MAGI1: variants seen among roughly 807,000 people sequenced by gnomAD.
MAGI1 encodes membrane-associated guanylate kinase, WW and PDZ domain-containing protein 1.
Under a neutral mutation model 139.9 loss-of-function variants are expected in MAGI1, and 58 were observed. The ratio of observed to expected loss-of-function variants is 0.41; its 90% CI spans 0.34 to 0.52. The LOEUF (loss-of-function observed/expected upper bound fraction) is 0.52, where lower values mean the gene tolerates loss of function less well. Ranked by LOEUF, MAGI1 falls within the 20% of genes least tolerant of loss-of-function variation. The pLI is 0.12. For missense variants in MAGI1, 1,874 were observed against 1,901.6 expected, an observed-to-expected ratio of 0.99 and a Z score of 0.27; for synonymous variants, 812 against 737.9, an observed-to-expected ratio of 1.10 and a Z score of -1.63.
At chr3:65,764,947 G>C (rs1396957235) in intron 1 of MAGI1, among the ~76,000 whole-genome samples, 1 of 152,110 alleles carries the variant, frequency 6.6e-6, no homozygotes, top group Non-Finnish European at 1.5e-5. Flanking sequence ...ATTTTCTGGG[G>C]TTTCAGCACT....
rs747189565 is a variant in MAGI1, at chr3:65,439,904, C to CTGCTGCTGCTGT, written c.1233_1244dup (p.Gln418_Gln421dup). On this transcript the variant is annotated inframe_insertion, in exon 9 of 23. Transcript: ENST00000402939. ...CTTCTGTCTGCTGCTGCTGCTGCTG[C>CTGCTGCTGCTGT]TGCTGCTGCTGTTGCTGCTGCTGTT... The CTGCTGCTGCTGT allele has an allele frequency of 2.5e-5, 40 of 1,609,762 alleles. No individual in the cohort carries two copies. The highest frequency in any genetic ancestry group is 3.1e-5 in the Non-Finnish European group (37 of 1,177,554).
At chr3:65,825,303 C>A (rs1042324112) in intron 1 of MAGI1, among the ~76,000 whole-genome samples, 13 of 152,174 alleles carry the variant, frequency 8.5e-5, no homozygotes, top group African/African-American at 3.1e-4. Context: ...AACAATACTT[C>A]TTTTAAAGAA....
intron 1 of MAGI1, among the ~76,000 whole-genome samples, chr3:66,007,445 G>A (rs1164716014): frequency 6.6e-6 from 1 of 152,196 alleles, no homozygotes; most frequent in Non-Finnish European, 1.5e-5. Context: ...GAGAAATCAG[G>A]AATTGACTCT....
At chr3:65,750,692 A>T (rs1464352981) in intron 1 of MAGI1, among the ~76,000 whole-genome samples, 1 of 152,148 alleles carries the variant, frequency 6.6e-6, no homozygotes, top group Admixed American at 6.5e-5. Context: ...TCCAATCCCA[A>T]ATCTATAACA....
intron 1 of MAGI1, among the ~76,000 whole-genome samples, chr3:66,021,168 T>C (rs2067939476): frequency 6.6e-6 from 1 of 152,206 alleles, no homozygotes; most frequent in Admixed American, 6.5e-5. Context: ...AAACTGTGTG[T>C]CAGTACAATG....
intron 1 of MAGI1, among the ~76,000 whole-genome samples, chr3:65,707,265 T>C (rs753366067): frequency 2.0e-4 from 30 of 152,234 alleles, no homozygotes; most frequent in Non-Finnish European, 3.8e-4. Flanking sequence ...CTGATATGTT[T>C]CAGGGTTGAT....
chr3:66,000,776 A>T (rs1045000993), intron 1 of MAGI1, among the ~76,000 whole-genome samples: 1 of 152,234 alleles, frequency 6.6e-6, no homozygotes, highest in Admixed American at 6.5e-5. Flanking sequence ...CCTGCATCAC[A>T]GGCTAAACCT....
intron 1 of MAGI1, among the ~76,000 whole-genome samples, chr3:65,833,073 C>G (rs957519843): frequency 7.3e-5 from 11 of 151,644 alleles, no homozygotes; most frequent in African/African-American, 2.4e-4. Context: ...CATCTCCAAA[C>G]AGGTCAATCA....
At chr3:65,767,156 CCTCT>C (rs760544101) in intron 1 of MAGI1, among the ~76,000 whole-genome samples, 1 of 152,146 alleles carries the variant, frequency 6.6e-6, no homozygotes, top group Non-Finnish European at 1.5e-5. Flanking sequence ...ATCAAGTCTG[CCTCT>C]CTATTTATCA....
intron 2 of MAGI1, among the ~76,000 whole-genome samples, chr3:65,538,540 T>C (rs746359797): frequency 1.5e-4 from 23 of 152,174 alleles, no homozygotes; most frequent in Non-Finnish European, 2.8e-4. Flanking sequence ...TAGGCTGGCA[T>C]TGAACTGCAA....
rs367859791 is a variant in MAGI1 at position 65,951,409 on chromosome 3, T to C, written c.313+86587A>G. On this transcript the variant is annotated intron_variant, in intron 1 of 22. Coordinates refer to ENST00000402939, the MANE Select transcript of MAGI1 (RefSeq NM_001033057.2). ...CTGAATCTACTTTTTCAGTGAAATT[T>C]TGTTAAACGTAAAAACAGATCAAAT... Among the ~76,000 whole-genome samples, 7 of 152,228 alleles carry C rather than the reference T, an allele frequency of 4.6e-5. No individual in the cohort carries two copies. The East Asian group carries it at 5.8e-4, about 13-fold the overall frequency.
intron 1 of MAGI1, among the ~76,000 whole-genome samples, chr3:65,930,080 G>A (rs540059053): frequency 6.6e-6 from 1 of 152,038 alleles, no homozygotes; most frequent in African/African-American, 2.4e-5. Context: ...ACTTTGGGAG[G>A]CCGAGGCGGG....
At chr3:65,391,906 G>C (rs1380187170) in intron 13 of MAGI1, among the ~76,000 whole-genome samples, 2 of 152,012 alleles carry the variant, frequency 1.3e-5, no homozygotes, top group African/African-American at 4.8e-5. Context: ...ATCATGCCTA[G>C]TATTATATGT....
chr3:65,846,679 T>C (rs2059009785), intron 1 of MAGI1, among the ~76,000 whole-genome samples: 1 of 152,176 alleles, frequency 6.6e-6, no homozygotes, highest in Non-Finnish European at 1.5e-5. Flanking sequence ...GGTTCTGTTA[T>C]TATTGCCACC....
intron 1 of MAGI1, among the ~76,000 whole-genome samples, chr3:65,810,013 C>G (rs1378391345): frequency 6.6e-6 from 1 of 152,104 alleles, no homozygotes; most frequent in Non-Finnish European, 1.5e-5. Context: ...CACACACACA[C>G]AGACACACAC....
At position 65,478,818 on chromosome 3, in the gene MAGI1, A is replaced by G. The variant is rs1335088132; in HGVS notation, c.551-20T>C. ...AGTTTCCTAGGTGATGGAGAGACAC[A>G]TTTGCATGTTTCAAAAGGAATACTT... On this transcript the variant is annotated intron_variant, in intron 3 of 22. Coordinates refer to ENST00000402939, the MANE Select transcript of MAGI1 (RefSeq NM_001033057.2). 15 of 1,573,458 alleles carry G rather than the reference A, an allele frequency of 9.5e-6. No homozygotes were observed. Among genetic ancestry groups the G allele is most frequent in the Non-Finnish European group, 1.2e-5 (14 of 1,144,828 alleles).
At chr3:65,394,682 A>AT (rs35105199) in intron 13 of MAGI1, among the ~76,000 whole-genome samples, 132,969 of 150,710 alleles carry the variant, frequency 0.88, 59,216 homozygotes, top group Middle Eastern at 0.97. Flanking sequence ...GTTCAAAGTA[A>AT]TTTTTTTTTT....
intron 12 of MAGI1, among the ~76,000 whole-genome samples, chr3:65,412,269 A>C (rs1222002045): frequency 6.6e-6 from 1 of 152,154 alleles, no homozygotes; most frequent in Non-Finnish European, 1.5e-5. Flanking sequence ...CTATGCCTGC[A>C]GATCTATGTG....
At chr3:65,755,607 C>T (rs2107845028) in intron 1 of MAGI1, among the ~76,000 whole-genome samples, 1 of 152,174 alleles carries the variant, frequency 6.6e-6, no homozygotes, top group African/African-American at 2.4e-5. Context: ...ATGAATAAGT[C>T]TTCTAAGAAA....
Sources: allele counts gnomAD v4.1 joint callset (sites outside exome capture counted in the v4.1 genomes callset), GRCh38; gene constraint gnomAD v4.1.1; transcripts MANE v1.5; gene names NCBI Gene and HGNC (gene_info 2026-07-23, HGNC 2026-07-21).